Variants in BRINP3 observed in about 807,000 individuals in gnomAD.
BRINP3 encodes BMP/retinoic acid inducible neural specific 3.
A neutral mutation model predicts 71.0 loss-of-function variants in BRINP3; 19 were observed. The ratio of observed to expected loss-of-function variants is 0.27; its 90% CI spans 0.19 to 0.39. The LOEUF (loss-of-function observed/expected upper bound fraction) is 0.39, where lower values mean the gene tolerates loss of function less well. Ranked by LOEUF, BRINP3 falls within the 10% of genes least tolerant of loss-of-function variation. The pLI is 1.00. For missense variants in BRINP3, 959 were observed against 940.8 expected, an observed-to-expected ratio of 1.02 and a Z score of -0.25; for synonymous variants, 380 against 337.7, an observed-to-expected ratio of 1.13 and a Z score of -1.37.
chr1:190,102,633 AGAGAAACTAAGGAAAGG>A (rs1388610039), intron 7 of BRINP3, among the ~76,000 whole-genome samples: 1 of 152,060 alleles, frequency 6.6e-6, no homozygotes, highest in African/African-American at 2.4e-5. Context: ...AAGAAGACAG[AGAGAAACTAAGGAAAGG>A]GAGGGGATAA....
chr1:190,412,868 G>A (rs1356790759), intron 2 of BRINP3, among the ~76,000 whole-genome samples: 1 of 151,822 alleles, frequency 6.6e-6, no homozygotes, highest in Non-Finnish European at 1.5e-5. Context: ...CATGGTAGTA[G>A]TAATTTAAAA....
chr1:190,383,926 C>A (rs1670712834), intron 2 of BRINP3, among the ~76,000 whole-genome samples: 1 of 151,710 alleles, frequency 6.6e-6, no homozygotes, highest in East Asian at 1.9e-4. Flanking sequence ...TGAATTAACC[C>A]ATTCAAACAC....
intron 2 of BRINP3, among the ~76,000 whole-genome samples, chr1:190,380,093 C>G (rs993440189): frequency 6.6e-6 from 1 of 151,888 alleles, no homozygotes. Context: ...TAAGAAATCA[C>G]CTTTGCTGCT....
At chr1:190,165,987 C>T (rs1307970078) in intron 6 of BRINP3, among the ~76,000 whole-genome samples, 1 of 152,038 alleles carries the variant, frequency 6.6e-6, no homozygotes. Flanking sequence ...CTTTTGCTAA[C>T]TTTTTTTCTC....
chr1:190,455,367 A>C (rs963795920), intron 1 of BRINP3, among the ~76,000 whole-genome samples: 3 of 152,202 alleles, frequency 2.0e-5, no homozygotes, highest in Admixed American at 1.3e-4. Context: ...GCTTTAAATG[A>C]AGCAAAGATA....
chr1:190,406,943 A>G (rs1205836550), intron 2 of BRINP3, among the ~76,000 whole-genome samples: 2 of 152,166 alleles, frequency 1.3e-5, no homozygotes, highest in East Asian at 3.8e-4. Context: ...TAGATGCCAT[A>G]TTACAACTGA....
chr1:190,255,674 C>A (rs1466615338), intron 4 of BRINP3, among the ~76,000 whole-genome samples: 1 of 151,552 alleles, frequency 6.6e-6, no homozygotes. Context: ...CTTCTCTTTT[C>A]TTCTTTATTA....
At chr1:190,369,890 T>C (rs927040283) in intron 2 of BRINP3, among the ~76,000 whole-genome samples, 3 of 152,150 alleles carry the variant, frequency 2.0e-5, no homozygotes, top group East Asian at 1.9e-4. Context: ...TAATTATTAA[T>C]AAAAAGGAAC....
chr1:190,161,746 A>ATTATGAGCATAT (rs1185260119), intron 6 of BRINP3, among the ~76,000 whole-genome samples: 2 of 152,270 alleles, frequency 1.3e-5, no homozygotes, highest in South Asian at 4.1e-4. Flanking sequence ...ACGGTTAATC[A>ATTATGAGCATAT]ACAAATATGA....
At chr1:190,271,127 A>G (rs1450500735) in intron 3 of BRINP3, among the ~76,000 whole-genome samples, 1 of 151,632 alleles carries the variant, frequency 6.6e-6, no homozygotes, top group Admixed American at 6.6e-5. Flanking sequence ...AAGGTGTTGC[A>G]ACATTAATTG....
At position 190,304,777 on chromosome 1, in the gene BRINP3, T is replaced by C. The variant is rs140910319; in HGVS notation, c.237-23027A>G. Among the ~76,000 whole-genome samples the C allele has an allele frequency of 3.2e-4, 49 of 151,878 alleles. 1 individual carries two copies. In the Middle Eastern group the frequency reaches 0.01, roughly 32 times the overall value. Reference sequence around the variant, plus strand: ...ATAGATAGATAAGATTACATGAAAGTAAAAAGCTTCTGCACAGCAAAGGAA... The same window carrying C: ...ATAGATAGATAAGATTACATGAAAGCAAAAAGCTTCTGCACAGCAAAGGAA... On this transcript the variant is annotated intron_variant, in intron 2 of 7. Coordinates refer to ENST00000367462, the MANE Select transcript of BRINP3 (RefSeq NM_199051.3).
intron 2 of BRINP3, among the ~76,000 whole-genome samples, chr1:190,297,516 T>C (rs1664341051): frequency 6.6e-6 from 1 of 152,180 alleles, no homozygotes; most frequent in Non-Finnish European, 1.5e-5. Context: ...CTGTGGAATT[T>C]CATAGATGCA....
chr1:190,325,614 C>G (rs753077861), intron 2 of BRINP3, among the ~76,000 whole-genome samples: 13 of 151,946 alleles, frequency 8.6e-5, no homozygotes, highest in Admixed American at 3.3e-4. Context: ...AAGCCTGGAC[C>G]ACTCGATAAG....
At chr1:190,156,802 T>C (rs537690848) in intron 7 of BRINP3, among the ~76,000 whole-genome samples, 2 of 152,202 alleles carry the variant, frequency 1.3e-5, no homozygotes, top group African/African-American at 4.8e-5. Flanking sequence ...GATTTATCTC[T>C]ACTATGTTGA....
intron 2 of BRINP3, among the ~76,000 whole-genome samples, chr1:190,327,326 C>CAAAAAAAAAAAAAAAAA (rs1227478693): frequency 1.1e-3 from 47 of 44,228 alleles, no homozygotes; most frequent in Non-Finnish European, 1.3e-3. Flanking sequence ...AAAAAAAGAA[C>CAAAAAAAAAAAAAAAAA]AAAAAAAAAA....
chr1:190,464,938 G>A (rs1440903672), intron 1 of BRINP3, among the ~76,000 whole-genome samples: 2 of 151,966 alleles, frequency 1.3e-5, no homozygotes, highest in African/African-American at 4.8e-5. Context: ...TGAGAAATGT[G>A]TACTGCTAAG....
intron 3 of BRINP3, among the ~76,000 whole-genome samples, chr1:190,277,087 T>TTATATATATATATA (rs1222129309): frequency 0.025 from 906 of 35,924 alleles, 44 homozygotes; most frequent in South Asian, 0.04. Flanking sequence ...AATTTTGGTT[T>TTATATATATATATA]TATATATATA....
chr1:190,383,566 T>A (rs1670686930), intron 2 of BRINP3, among the ~76,000 whole-genome samples: 1 of 152,092 alleles, frequency 6.6e-6, no homozygotes, highest in Non-Finnish European at 1.5e-5. Context: ...TATATCATTT[T>A]GTGCTAATAT....
chr1:190,390,129 A>T (rs985582874), intron 2 of BRINP3, among the ~76,000 whole-genome samples: 3 of 151,764 alleles, frequency 2.0e-5, no homozygotes, highest in African/African-American at 7.3e-5. Flanking sequence ...CCAGTGAACA[A>T]TTACAGCAGG....
Sources: gnomAD v4.1 joint callset for allele counts (sites outside exome capture counted in the v4.1 genomes callset) on GRCh38, gnomAD v4.1.1 for gene constraint, MANE v1.5 for transcripts, NCBI Gene and HGNC (gene_info 2026-07-23, HGNC 2026-07-21) for gene names.